Variants in ZBTB40 observed in about 807,000 individuals in gnomAD.
The protein encoded by ZBTB40 is zinc finger and BTB domain-containing protein 40.
Under a neutral mutation model 117.5 loss-of-function variants are expected in ZBTB40, and 60 were observed. That is an observed-to-expected ratio of 0.51 (90% confidence interval 0.41 to 0.63). The LOEUF (loss-of-function observed/expected upper bound fraction) is 0.63, where lower values mean the gene tolerates loss of function less well. Ranked by LOEUF, ZBTB40 falls within the 30% of genes least tolerant of loss-of-function variation. The pLI, the probability that ZBTB40 is intolerant of heterozygous loss-of-function variation, is 0.00. For missense variants in ZBTB40, 1,287 were observed against 1,498.5 expected, an observed-to-expected ratio of 0.86 and a Z score of 2.33; for synonymous variants, 525 against 577.1, an observed-to-expected ratio of 0.91 and a Z score of 1.29.
rs1557517155 is a variant in ZBTB40 at position 22,511,245 on chromosome 1, A to G, written c.1900A>G (p.Met634Val). The G allele has an allele frequency of 6.2e-7, 1 of 1,614,072 alleles. No homozygotes were observed. Among genetic ancestry groups the G allele is most frequent in the South Asian group, 1.1e-5 (1 of 91,074 alleles). ...ASLRAVLSRA[M>V]EKSVPAIEIC... ...CCTGAGAGCAGTGCTGAGCAGAGCC[A>G]TGGAAAAATCAGTCCCGGCCATTGA... is the stretch of plus-strand genomic sequence containing the variant. Residue 634 changes from methionine (M) to valine (V), a missense_variant, in exon 10 of 18, where the codon ATG becomes GTG. Coordinates refer to ENST00000375647, the MANE Select transcript of ZBTB40 (RefSeq NM_014870.4).
At chr1:22,435,643 C>T (rs1011880480) in intron 1 of ZBTB40, among the ~76,000 whole-genome samples, 1 of 152,066 alleles carries the variant, frequency 6.6e-6, no homozygotes, top group African/African-American at 2.4e-5. Context: ...GAGAAATGCA[C>T]CAGGGTTTCC....
intron 1 of ZBTB40, among the ~76,000 whole-genome samples, chr1:22,437,685 G>C (rs370275440): frequency 1.3e-5 from 2 of 151,830 alleles, no homozygotes; most frequent in Non-Finnish European, 2.9e-5. Context: ...CTCCCAAAGC[G>C]CTGGGATTAC....
rs757782034 is a variant in ZBTB40 at position 22,524,327 on chromosome 1, C to G, written c.3408C>G (p.Pro1136=). ...TCAAGCAGTCAGAGACCACCTTCCC[C>G]TGTGAGCTCTGTGGGGAACTCTTCA... ...EHFKQSETTF[P]CELCGELFTS... The change falls in exon 17 of 18, where the codon CCC becomes CCG. Residue 1136 remains proline, a synonymous_variant. Coordinates refer to ENST00000375647, the MANE Select transcript of ZBTB40 (RefSeq NM_014870.4). The G allele has an allele frequency of 5.6e-6, 9 of 1,614,090 alleles. No homozygotes were observed. Among genetic ancestry groups the G allele is most frequent in the Non-Finnish European group, 7.6e-6 (9 of 1,180,056 alleles).
chr1:22,431,031 T>G (rs1228160325), intron 1 of ZBTB40, among the ~76,000 whole-genome samples: 5 of 151,936 alleles, frequency 3.3e-5, no homozygotes, highest in Admixed American at 3.3e-4. Context: ...TATATTCACT[T>G]AAGCTCATTA....
upstream of ZBTB40, among the ~76,000 whole-genome samples, chr1:22,450,874 C>T (rs1417519391): frequency 6.6e-6 from 1 of 152,124 alleles, no homozygotes; most frequent in Non-Finnish European, 1.5e-5. Context: ...CTGGACATTG[C>T]ACTAAGATGG....
intron 13 of ZBTB40, among the ~76,000 whole-genome samples, chr1:22,518,417 A>G (rs1639432509): frequency 6.6e-6 from 1 of 152,240 alleles, no homozygotes; most frequent in African/African-American, 2.4e-5. Flanking sequence ...CGCCTGACAC[A>G]TAGAAAATGC....
At chr1:22,484,741 G>A (rs1638419579) in intron 1 of ZBTB40, among the ~76,000 whole-genome samples, 1 of 152,192 alleles carries the variant, frequency 6.6e-6, no homozygotes, top group East Asian at 1.9e-4. Flanking sequence ...GGAAGACTTT[G>A]AGTTTCTCAC....
intron 1 of ZBTB40, among the ~76,000 whole-genome samples, chr1:22,486,040 T>C (rs904889152): frequency 6.6e-6 from 1 of 152,224 alleles, no homozygotes; most frequent in African/African-American, 2.4e-5. Flanking sequence ...TCTTGCTATA[T>C]CTGAGTCTGG....
In ZBTB40 at chr1:22,525,138, CAG is replaced by C. The variant is rs57895181; in HGVS notation, c.3525+697_3525+698del. 2.6e-3 allele frequency among the ~76,000 whole-genome samples: 392 copies of C among 152,280 alleles called. 1 individual carries two copies. The highest frequency in any genetic ancestry group is 8.4e-3 in the African/African-American group (347 of 41,556). ...CAGGTTCTTACAGGCCTCTGGGGAA[CAG>C]AGGGGAAGTCAGGTAGGCAGGACTC... On this transcript the variant is annotated intron_variant, in intron 17 of 17. Coordinates refer to ENST00000375647, the MANE Select transcript of ZBTB40 (RefSeq NM_014870.4).
intron 3 of ZBTB40, among the ~76,000 whole-genome samples, chr1:22,494,644 G>A (rs1638725865): frequency 6.6e-6 from 1 of 152,166 alleles, no homozygotes; most frequent in African/African-American, 2.4e-5. Flanking sequence ...TGTCTGTGCT[G>A]GCACCTTTCA....
intron 1 of ZBTB40, among the ~76,000 whole-genome samples, chr1:22,456,300 A>T (rs1352524499): frequency 6.6e-6 from 1 of 152,216 alleles, no homozygotes; most frequent in Non-Finnish European, 1.5e-5. Context: ...AAGGAAAGAA[A>T]GCCAGCTTTC....
At position 22,524,345 on chromosome 1, in the gene ZBTB40, A is replaced by G. The variant is rs780861087; in HGVS notation, c.3426A>G (p.Glu1142=). 6 of 1,613,492 alleles carry G rather than the reference A, an allele frequency of 3.7e-6. No individual in the cohort carries two copies. Among genetic ancestry groups the G allele is most frequent in the Non-Finnish European group, 5.1e-6 (6 of 1,179,912 alleles). The part of the protein sequence containing the change: ...ETTFPCELCG[E]LFTSQAQLDS... ...CCTTCCCCTGTGAGCTCTGTGGGGAACTCTTCACCTCCCAGGCCCAGCTTG... is the reference window on the plus strand; with the variant it reads ...CCTTCCCCTGTGAGCTCTGTGGGGAGCTCTTCACCTCCCAGGCCCAGCTTG... Residue 1142 remains glutamate, a synonymous_variant, in exon 17 of 18, where the codon GAA becomes GAG. Coordinates refer to ENST00000375647, the MANE Select transcript of ZBTB40 (RefSeq NM_014870.4).
chr1:22,526,472 T>C lies in ZBTB40; in HGVS notation c.*76T>C. ...CCCACAGCTTGCCCTTTGCCCTCCA[T>C]CCCTGGCTGTCCTGAGTGGTGAGCA... On this transcript the variant is annotated 3_prime_UTR_variant, in exon 18 of 18. Coordinates refer to ENST00000375647, the MANE Select transcript of ZBTB40 (RefSeq NM_014870.4). 1.3e-6 allele frequency: 2 copies of C among 1,580,620 alleles called. No homozygotes were observed. The highest frequency in any genetic ancestry group is 1.7e-6 in the Non-Finnish European group (2 of 1,156,248).
At chr1:22,523,793 T>C (rs1166588644) in intron 16 of ZBTB40, among the ~76,000 whole-genome samples, 1 of 152,240 alleles carries the variant, frequency 6.6e-6, no homozygotes, top group East Asian at 1.9e-4. Context: ...GGTGTGCGCA[T>C]TGACGATTGC....
At chr1:22,491,617 G>A (rs2124432199) in intron 3 of ZBTB40, 84 bp downstream of exon 3, 4 of 1,434,538 alleles carry the variant, frequency 2.8e-6, no homozygotes, top group Non-Finnish European at 2.9e-6. Context: ...GGCAGAAATA[G>A]CCCAGGGTTT....
Position 22,507,562 on chromosome 1 carries a change from A to G in ZBTB40, c.1361-439A>G, listed in dbSNP as rs564488995. 1.6e-3 allele frequency among the ~76,000 whole-genome samples: 240 copies of G among 152,308 alleles called. 1 individual carries two copies. The highest frequency in any genetic ancestry group is 5.6e-3 in the African/African-American group (233 of 41,566). ...ATGACCTCTTAAAAGAGAGAACCTA[A>G]CAAATTGGCCCAAAGGGCACCTAAA... On this transcript the variant is annotated intron_variant, in intron 6 of 17. Coordinates refer to ENST00000375647, the MANE Select transcript of ZBTB40 (RefSeq NM_014870.4).
In ZBTB40 at chr1:22,490,175, A is replaced by G. The variant is rs372233615; in HGVS notation, c.227A>G (p.Glu76Gly). Residue 76 changes from glutamate (E) to glycine (G), a missense_variant, in exon 2 of 18, where the codon GAA becomes GGA. This residue lies in a region of ZBTB40 where 870 missense variants were observed against 934.4 expected (regional missense o/e 0.93). Coordinates refer to ENST00000375647, the MANE Select transcript of ZBTB40 (RefSeq NM_014870.4). ...CCCGAGGAGTTTGCGCTCTTGTTGG[A>G]AATGATGTACACGGGCAAACTACCT... ...VSPEEFALLL[E>G]MMYTGKLPVG... is the part of the protein sequence containing the mutation. 6 of 1,614,064 alleles carry G rather than the reference A, an allele frequency of 3.7e-6. No individual in the cohort carries two copies. Among genetic ancestry groups the G allele is most frequent in the Admixed American group, 1.7e-5 (1 of 60,000 alleles).
chr1:22,495,781 G>T (rs1201938209), intron 3 of ZBTB40, among the ~76,000 whole-genome samples: 1 of 152,192 alleles, frequency 6.6e-6, no homozygotes, highest in Non-Finnish European at 1.5e-5. Context: ...CTCCCAAAGT[G>T]CTGGGATTAC....
In ZBTB40 at chr1:22,501,726, T is replaced by C; in HGVS notation, c.1024+42T>C. The C allele has an allele frequency of 1.9e-6, 3 of 1,595,292 alleles. No individual in the cohort carries two copies. The South Asian group carries it at 3.4e-5, about 18-fold the overall frequency. ...TGCATTGGAATGGCAGGGTTTTATT[T>C]TGGGATGATGCTATGAAGTTTGTTC... On this transcript the variant is annotated intron_variant, in intron 4 of 17. Coordinates refer to ENST00000375647, the MANE Select transcript of ZBTB40 (RefSeq NM_014870.4).
Sources: gnomAD v4.1 joint callset for allele counts (sites outside exome capture counted in the v4.1 genomes callset) on GRCh38, gnomAD v4.1.1 for gene constraint, gnomAD v4.1.1 regional missense constraint, MANE v1.5 for transcripts, NCBI Gene and HGNC (gene_info 2026-07-23, HGNC 2026-07-21) for gene names.